GAS2L1: variants seen among roughly 807,000 people sequenced by gnomAD.
GAS2L1 encodes the protein GAS2-like protein 1.
In GAS2L1, 26 loss-of-function variants were observed where a neutral mutation model predicts 44.0. That is an observed-to-expected ratio of 0.59 (90% CI 0.43 to 0.82). The LOEUF is 0.82. GAS2L1 is among the 40% of genes least tolerant of loss of function. The pLI is 0.00. For missense variants in GAS2L1, 1,006 were observed against 983.0 expected, an observed-to-expected ratio of 1.02 and a Z score of -0.31; for synonymous variants, 426 against 415.9, an observed-to-expected ratio of 1.02 and a Z score of -0.30.
rs78929040 is a variant in GAS2L1, at chr22:29,312,283, TG to T, written c.1839del (p.Pro614HisfsTer2). ...GATGAAGGCAGCCCCTGCCCTGGCA[TG>T]GGGGGGCCACTAGATGCACCTGGGA... On this transcript the variant is annotated frameshift_variant, in exon 5 of 5. Transcript: ENST00000618518. LOFTEE classifies it high-confidence loss of function. 1.1e-5 allele frequency: 17 copies of T among 1,609,610 alleles called. No individual in the cohort carries two copies. Among genetic ancestry groups the T allele is most frequent in the Non-Finnish European group, 1.4e-5 (17 of 1,177,266 alleles).
chr22:29,310,636 A>G lies in GAS2L1; in HGVS notation c.742-2A>G, dbSNP rs1316121133. 1 of 1,606,484 alleles carries G rather than the reference A, an allele frequency of 6.2e-7. No homozygotes were observed. The highest frequency in any genetic ancestry group is 1.7e-5 in the Admixed American group (1 of 59,040). On this transcript the variant is annotated splice_acceptor_variant, in intron 2 of 4. Coordinates refer to ENST00000618518, the Ensembl canonical transcript of GAS2L1. LOFTEE classifies it high-confidence loss of function. ...ACAGCCGTGACCTGCCCACACCTGC[A>G]GGTGCTGAGGAGCCACGTGATGGTG...
intron 4 of GAS2L1, 109 bp downstream of exon 5, chr22:29,311,107 A>G (rs769488137): frequency 8.1e-6 from 9 of 1,110,914 alleles, no homozygotes; most frequent in Non-Finnish European, 1.1e-5. Flanking sequence ...CCCTGGGAAA[A>G]GTTCCCGTGG....
At chr22:29,309,006 G>A (rs1398695015) in intron 1 of GAS2L1, among the ~76,000 whole-genome samples, 2 of 152,254 alleles carry the variant, frequency 1.3e-5, no homozygotes, top group African/African-American at 2.4e-5. Context: ...CTCACTTTGT[G>A]TGCTAACTGT....
At chr22:29,312,561 C>A (rs1403787930) in exon 5 of GAS2L1, 26 of 1,254,372 alleles carry the variant, frequency 2.1e-5, no homozygotes, top group Non-Finnish European at 2.8e-5. Flanking sequence ...CTTAACCCTT[C>A]TGCATCAGGG....
chr22:29,312,198 T>G (rs771321864), exon 5 of GAS2L1: 1 of 1,613,074 alleles, frequency 6.2e-7, no homozygotes, highest in East Asian at 2.2e-5. Context: ...ACCTGGGGAC[T>G]CTGGCCGGAC....
At chr22:29,309,540 C>A (rs888643364) in intron 1 of GAS2L1, among the ~76,000 whole-genome samples, 2 of 152,254 alleles carry the variant, frequency 1.3e-5, no homozygotes, top group African/African-American at 4.8e-5. Context: ...CAAGGCCCCA[C>A]CTGCTTATTT....
chr22:29,312,317 G>A, exon 5 of GAS2L1: 1 of 1,607,526 alleles, frequency 6.2e-7, no homozygotes, highest in Non-Finnish European at 8.5e-7. Flanking sequence ...GGAGCCCCCT[G>A]GCTTGCACTG....
upstream of GAS2L1, chr22:29,306,845 G>A (rs2061353777): frequency 6.6e-6 from 1 of 152,270 alleles, no homozygotes; most frequent in Non-Finnish European, 1.5e-5. Context: ...GGGGGCCCTG[G>A]GGCTCTCTGC....
At chr22:29,311,243 G>A (rs1045055319) in intron 4 of GAS2L1, 30 of 588,768 alleles carry the variant, frequency 5.1e-5, no homozygotes, top group African/African-American at 2.6e-4. Context: ...TCCTGGGAAG[G>A]GGGGTGTCTA....
chr22:29,309,404 G>A (rs954329970), intron 1 of GAS2L1, among the ~76,000 whole-genome samples: 5 of 152,224 alleles, frequency 3.3e-5, no homozygotes, highest in African/African-American at 1.2e-4. Flanking sequence ...CCACCCCTGA[G>A]GGCTGGACCA....
chr22:29,312,310 G>GC lies in GAS2L1; in HGVS notation c.1864dup (p.Leu622ProfsTer5). ...GGGGGGCCACTAGATGCACCTGGGA[G>GC]CCCCCTGGCTTGCACTGAACCCTCG... On this transcript the variant is annotated frameshift_variant, in exon 5 of 5. Transcript: ENST00000618518. LOFTEE classifies it high-confidence loss of function. The GC allele has an allele frequency of 1.2e-6, 2 of 1,608,164 alleles. No individual in the cohort carries two copies. The highest frequency in any genetic ancestry group is 4.5e-5 in the East Asian group (2 of 44,722).
chr22:29,308,682 A>T, exon 1 of GAS2L1: 1 of 1,509,848 alleles, frequency 6.6e-7, no homozygotes, highest in South Asian at 1.3e-5. Context: ...CGCACCAGGG[A>T]CTCCTGCCCG....
At chr22:29,308,586 G>A in exon 1 of GAS2L1, 1 of 1,599,594 alleles carries the variant, frequency 6.3e-7, no homozygotes, top group Non-Finnish European at 8.5e-7. Flanking sequence ...CGTGCAGTTT[G>A]AGCAGGAGAT....
exon 1 of GAS2L1, chr22:29,308,702 C>T (rs781274105): frequency 3.3e-6 from 5 of 1,501,922 alleles, no homozygotes; most frequent in East Asian, 2.3e-5. Flanking sequence ...GCGGCCCCCG[C>T]ATGACACCCA....
rs2061360346 is a variant in GAS2L1, at chr22:29,307,402, C to G, written c.-704C>G. Reference sequence around the variant, plus strand: ...GGAGGAGGCGGGGCCTGGCCCTGGCCCCGGATCGCCGAGACCGGCCACGCT... The same window carrying G: ...GGAGGAGGCGGGGCCTGGCCCTGGCGCCGGATCGCCGAGACCGGCCACGCT... On this transcript the variant is annotated 5_prime_UTR_variant, in exon 1 of 5. Coordinates refer to ENST00000618518, the Ensembl canonical transcript of GAS2L1. 2 of 152,362 alleles carry G rather than the reference C, an allele frequency of 1.3e-5. 1 individual carries two copies. The highest frequency in any genetic ancestry group is 4.1e-4 in the South Asian group (2 of 4,840). The allele number at this position is 152,362 out of a possible 1,614,324, so 9.4% of individuals were successfully genotyped here.
chr22:29,308,865 G>C, intron 1 of GAS2L1, 127 bp downstream of exon 2: 1 of 716,328 alleles, frequency 1.4e-6, no homozygotes, highest in Non-Finnish European at 2.1e-6. Flanking sequence ...GAGTGCACAT[G>C]TTGAGCACCA....
chr22:29,309,719 A>G (rs570546082), intron 1 of GAS2L1, among the ~76,000 whole-genome samples: 2 of 152,312 alleles, frequency 1.3e-5, no homozygotes, highest in Non-Finnish European at 2.9e-5. Context: ...CCTCCACATC[A>G]GTGCCCACCC....
exon 5 of GAS2L1, chr22:29,311,983 C>G (rs893566286): frequency 6.2e-7 from 1 of 1,610,552 alleles, no homozygotes; most frequent in Admixed American, 1.7e-5. Flanking sequence ...CAGCTCGACC[C>G]GCAGCAGGAG....
intron 2 of GAS2L1, 35 bp from the exon 4 acceptor site, chr22:29,310,603 C>T (rs2061393129): frequency 6.3e-7 from 1 of 1,589,540 alleles, no homozygotes; most frequent in South Asian, 1.1e-5. Context: ...CTGCGGGGCG[C>T]CCGGGGCACA....
Sources: gnomAD v4.1 joint callset for allele counts (sites outside exome capture counted in the v4.1 genomes callset) on GRCh38, gnomAD v4.1.1 for gene constraint, MANE v1.5 for transcripts, NCBI Gene and HGNC (gene_info 2026-07-23, HGNC 2026-07-21) for gene names.